The following PCLAF variants were observed in gnomAD, a reference collection of about 807,000 sequenced individuals.
The protein encoded by PCLAF is PCNA clamp associated factor, also known as PCNA-associated factor.
Under a neutral mutation model 15.1 loss-of-function variants are expected in PCLAF, and 12 were observed. That is an observed-to-expected ratio of 0.79 (90% CI 0.51 to 1.29). The LOEUF (loss-of-function observed/expected upper bound fraction) is 1.29, where lower values mean the gene tolerates loss of function less well. Ranked by LOEUF, PCLAF falls within the 50% of genes most tolerant of loss-of-function variation. PCLAF has a pLI of 0.00. For missense variants in PCLAF, 116 were observed against 130.9 expected, an observed-to-expected ratio of 0.89 and a Z score of 0.56; for synonymous variants, 33 against 47.1, an observed-to-expected ratio of 0.70 and a Z score of 1.22.
upstream of PCLAF, among the ~76,000 whole-genome samples, chr15:64,384,711 C>T (rs1899898982): frequency 6.7e-6 from 1 of 148,180 alleles, no homozygotes; most frequent in African/African-American, 2.5e-5. Context: ...CATTGCACTC[C>T]AGCCTGGGTG....
At chr15:64,385,776 C>T (rs527399286), upstream of PCLAF, among the ~76,000 whole-genome samples, 11 of 152,156 alleles carry the variant, frequency 7.2e-5, no homozygotes, top group Non-Finnish European at 1.5e-4. Flanking sequence ...TCAATGTGAG[C>T]GGGCACCATC....
At chr15:64,383,360 T>C (rs996744013), upstream of PCLAF, among the ~76,000 whole-genome samples, 1 of 151,478 alleles carries the variant, frequency 6.6e-6, no homozygotes, top group Non-Finnish European at 1.5e-5. Context: ...CAGTGGTTTT[T>C]TTGTGTGTGT....
chr15:64,377,711 T>C (rs1486341464), intron 2 of PCLAF, among the ~76,000 whole-genome samples: 1 of 143,836 alleles, frequency 7.0e-6, no homozygotes, highest in Non-Finnish European at 1.5e-5. Flanking sequence ...AGCACCTGGC[T>C]CCTTTTCAGT....
rs114291430 is a variant in PCLAF at position 64,375,873 on chromosome 15, A to T, written c.290+870T>A. 8.6e-3 allele frequency among the ~76,000 whole-genome samples: 1,308 copies of T among 152,352 alleles called. 24 individuals carry two copies. Among genetic ancestry groups the T allele is most frequent in the African/African-American group, 0.03 (1,256 of 41,586 alleles). On this transcript the variant is annotated intron_variant, in intron 3 of 3. Coordinates refer to ENST00000300035, the MANE Select transcript of PCLAF (RefSeq NM_014736.6). ...GGTTAATGACATAGCACTTATGTGA[A>T]TGGGAACTGATCCTCTTTGAGAGAT...
chr15:64,372,307 A>G (rs1184021705), intron 3 of PCLAF, among the ~76,000 whole-genome samples: 1 of 152,128 alleles, frequency 6.6e-6, no homozygotes, highest in Non-Finnish European at 1.5e-5. Flanking sequence ...GCACACTTCA[A>G]TTACCACATA....
Position 64,365,646 on chromosome 15 carries a change from T to C in PCLAF, c.*384A>G, listed in dbSNP as rs531391625. On this transcript the variant is annotated 3_prime_UTR_variant, in exon 4 of 4. Transcript: ENST00000300035. ...ATCTAACTCTGCTTTTTAAAGCAAG[T>C]AGAAGGAGTGACAATATGGCACCAT... The C allele has an allele frequency of 6.6e-5, 12 of 182,610 alleles. No homozygotes were observed. 11.3% of individuals were successfully genotyped at this position (182,610 alleles called of 1,614,324 possible).
At chr15:64,382,817 T>C, upstream of PCLAF, 1 of 276,808 alleles carries the variant, frequency 3.6e-6, no homozygotes, top group South Asian at 3.3e-5. Context: ...TCTACTAAAA[T>C]AAAAATAAAA....
At chr15:64,368,962 C>T (rs560873282) in intron 3 of PCLAF, among the ~76,000 whole-genome samples, 29 of 152,202 alleles carry the variant, frequency 1.9e-4, no homozygotes, top group Middle Eastern at 3.4e-3. Context: ...CAGCTTGTTC[C>T]TGTTGGAAAA....
rs529612288 is a variant in PCLAF at position 64,368,260 on chromosome 15, G to A, written c.291-2185C>T. Among the ~76,000 whole-genome samples the A allele has an allele frequency of 3.3e-5, 5 of 152,116 alleles. No individual in the cohort carries two copies. In the East Asian group the frequency reaches 9.7e-4, roughly 29 times the overall value. On this transcript the variant is annotated intron_variant, in intron 3 of 3. Transcript: ENST00000300035. ...CTCAGGAGGCTGAGGCAGGAGAATCGCTTGAACCCAGGAGGTGGACTCCAG... is the reference window on the plus strand; with the variant it reads ...CTCAGGAGGCTGAGGCAGGAGAATCACTTGAACCCAGGAGGTGGACTCCAG...
chr15:64,371,376 C>T (rs1432604881), intron 3 of PCLAF, among the ~76,000 whole-genome samples: 1 of 152,138 alleles, frequency 6.6e-6, no homozygotes, highest in Admixed American at 6.6e-5. Context: ...AGTGATTGTC[C>T]TGCTTCAGCC....
chr15:64,372,615 A>G lies in PCLAF; in HGVS notation c.290+4128T>C, dbSNP rs564320157. On this transcript the variant is annotated intron_variant, in intron 3 of 3. Transcript: ENST00000300035. ...GGCGACAGAGCGAGACTCCATCTCA[A>G]AAAAAGAAAAGAAAAGAAAAGAAAG... is the stretch of plus-strand genomic sequence containing the variant. Among the ~76,000 whole-genome samples, 8 of 151,972 alleles carry G rather than the reference A, an allele frequency of 5.3e-5. No homozygotes were observed. The East Asian group carries it at 1.4e-3, about 26-fold the overall frequency.
At chr15:64,386,053 C>A (rs1395765400), upstream of PCLAF, among the ~76,000 whole-genome samples, 7 of 152,112 alleles carry the variant, frequency 4.6e-5, no homozygotes, top group Non-Finnish European at 8.8e-5. Context: ...GTATCTATAT[C>A]TATCTGTTAT....
rs149042479 is a variant in PCLAF, at chr15:64,366,637, A to C, written c.291-562T>G. Among the ~76,000 whole-genome samples, 244 of 152,104 alleles carry C rather than the reference A, an allele frequency of 1.6e-3. 2 individuals are homozygous for C. The highest frequency in any genetic ancestry group is 5.7e-3 in the African/African-American group (235 of 41,502). On this transcript the variant is annotated intron_variant, in intron 3 of 3. Transcript: ENST00000300035. ...AGGATTGCTTGAGCCCAAGAGTTTGAGACCAACCTGGGCAACTTAGTGACA... is the reference window on the plus strand; with the variant it reads ...AGGATTGCTTGAGCCCAAGAGTTTGCGACCAACCTGGGCAACTTAGTGACA...
exon 1 of PCLAF, chr15:64,387,612 AGTCCTAC>A (rs1899976664): frequency 2.9e-6 from 4 of 1,388,422 alleles, no homozygotes; most frequent in Non-Finnish European, 3.7e-6. Flanking sequence ...GCCTTCCTCG[AGTCCTAC>A]GTTTAGCGAT....
upstream of PCLAF, among the ~76,000 whole-genome samples, chr15:64,384,624 C>T (rs1307185424): frequency 6.6e-6 from 1 of 151,014 alleles, no homozygotes; most frequent in Non-Finnish European, 1.5e-5. Flanking sequence ...TGCCTGTAAT[C>T]CCAGCTACTT....
chr15:64,383,034 G>C (rs1334675283), upstream of PCLAF: 1 of 159,414 alleles, frequency 6.3e-6, no homozygotes, highest in Non-Finnish European at 1.4e-5. Flanking sequence ...ACTTGCTTTG[G>C]GATGTATTCT....
intron 3 of PCLAF, chr15:64,373,238 A>G (rs1899424743): frequency 6.5e-6 from 1 of 152,902 alleles, no homozygotes; most frequent in African/African-American, 2.4e-5. Context: ...GTAATTTTTG[A>G]TGTTCTCTTT....
Position 64,366,003 on chromosome 15 carries a change from C to T in PCLAF, c.*27G>A, listed in dbSNP as rs145551999. On this transcript the variant is annotated 3_prime_UTR_variant, in exon 4 of 4. Transcript: ENST00000300035. The stretch of plus-strand genomic sequence containing the variant: ...TAGAATACCAGGGTAAACAAGGAGA[C>T]GTTATTCAAAGATGAATGAGAAAGT... 41 of 1,565,764 alleles carry T rather than the reference C, an allele frequency of 2.6e-5. No individual in the cohort carries two copies. The African/African-American group carries it at 4.5e-4, about 17-fold the overall frequency.
chr15:64,386,049 A>G (rs559122427), upstream of PCLAF, among the ~76,000 whole-genome samples: 16 of 152,258 alleles, frequency 1.1e-4, no homozygotes, highest in African/African-American at 1.7e-4. Context: ...ATCTGTATCT[A>G]TATCTATCTG....
Sources: gnomAD v4.1 joint callset for allele counts (sites outside exome capture counted in the v4.1 genomes callset) on GRCh38, gnomAD v4.1.1 for gene constraint, MANE v1.5 for transcripts, NCBI Gene and HGNC (gene_info 2026-07-23, HGNC 2026-07-21) for gene names.